CDCA7L: variants seen among roughly 807,000 people sequenced by gnomAD.
CDCA7L encodes cell division cycle-associated 7-like protein.
In CDCA7L, 44 loss-of-function variants were observed where a neutral mutation model predicts 57.4. The observed-to-expected ratio is 0.77, with a 90% confidence interval of 0.60 to 0.98. The LOEUF (loss-of-function observed/expected upper bound fraction) is 0.98. Among genes scored for constraint, CDCA7L ranks in the 50% least tolerant of loss-of-function variants. The pLI, the probability that CDCA7L is intolerant of heterozygous loss-of-function variation, is 0.00. For missense variants in CDCA7L, 644 were observed against 580.6 expected (o/e 1.11, Z -1.12); for synonymous variants, 236 against 202.8 (o/e 1.16, Z -1.39).
rs545996186 is a variant in CDCA7L at position 21,930,837 on chromosome 7, A to G, written c.25-13943T>C. On this transcript the variant is annotated intron_variant, in intron 1 of 9. Coordinates refer to ENST00000406877, the MANE Select transcript of CDCA7L (RefSeq NM_018719.5). Reference sequence around the variant, plus strand: ...CATGAAAAACCCTTCAAAAAAATCAATGAATCCAGGAGTTGGTTTTTTGAA... The same window carrying G: ...CATGAAAAACCCTTCAAAAAAATCAGTGAATCCAGGAGTTGGTTTTTTGAA... Among the ~76,000 whole-genome samples, 174 of 152,200 alleles carry G rather than the reference A, an allele frequency of 1.1e-3. 1 individual carries two copies. Among genetic ancestry groups the G allele is most frequent in the Middle Eastern group, 6.8e-3 (2 of 292 alleles).
At chr7:21,933,343 A>G (rs1308700863) in intron 1 of CDCA7L, among the ~76,000 whole-genome samples, 1 of 152,228 alleles carries the variant, frequency 6.6e-6, no homozygotes, top group Non-Finnish European at 1.5e-5. Context: ...ATAAAGACAC[A>G]TGCACATGTA....
At chr7:21,907,251 T>G (rs910753047) in intron 4 of CDCA7L, among the ~76,000 whole-genome samples, 1 of 152,234 alleles carries the variant, frequency 6.6e-6, no homozygotes. Context: ...TAGCTTATTT[T>G]AAAGATGCAG....
chr7:21,921,766 T>C (rs564295600), intron 1 of CDCA7L, among the ~76,000 whole-genome samples: 16 of 151,248 alleles, frequency 1.1e-4, no homozygotes, highest in Admixed American at 2.6e-4. Flanking sequence ...TACTATCTAG[T>C]GAACCAAAAA....
At chr7:21,903,341 T>C (rs1291841313) in intron 8 of CDCA7L, among the ~76,000 whole-genome samples, 3 of 152,004 alleles carry the variant, frequency 2.0e-5, no homozygotes, top group African/African-American at 4.8e-5. Flanking sequence ...TGCTTAAAAA[T>C]TATGGAGATT....
intron 1 of CDCA7L, among the ~76,000 whole-genome samples, chr7:21,938,204 A>C (rs117785808): frequency 0.014 from 2,068 of 152,298 alleles, 20 homozygotes; most frequent in Non-Finnish European, 0.024. Flanking sequence ...TCACTTAACA[A>C]CTACAAAAAC....
At chr7:21,916,099 G>C (rs1785473168) in intron 2 of CDCA7L, among the ~76,000 whole-genome samples, 1 of 152,122 alleles carries the variant, frequency 6.6e-6, no homozygotes, top group Non-Finnish European at 1.5e-5. Context: ...AAGCAAAGTG[G>C]GTTTAATTTG....
intron 2 of CDCA7L, among the ~76,000 whole-genome samples, chr7:21,915,514 C>A (rs1404245788): frequency 3.3e-5 from 5 of 151,850 alleles, no homozygotes; most frequent in African/African-American, 1.2e-4. Context: ...TAACAAAAAG[C>A]AGGCCAGGTA....
intron 1 of CDCA7L, among the ~76,000 whole-genome samples, chr7:21,942,720 G>A (rs945221435): frequency 3.3e-5 from 5 of 152,004 alleles, no homozygotes; most frequent in Non-Finnish European, 5.9e-5. Context: ...TGAGGTTTTC[G>A]CCTGATTTTT....
chr7:21,919,187 G>A (rs1218597992), intron 1 of CDCA7L, among the ~76,000 whole-genome samples: 1 of 152,014 alleles, frequency 6.6e-6, no homozygotes, highest in Non-Finnish European at 1.5e-5. Context: ...AAAGTAGCTG[G>A]CATTCTTGTA....
At chr7:21,930,338 C>T (rs969405861) in intron 1 of CDCA7L, among the ~76,000 whole-genome samples, 19 of 152,124 alleles carry the variant, frequency 1.2e-4, no homozygotes, top group African/African-American at 4.3e-4. Flanking sequence ...AAATTTATAG[C>T]ACTAAATGCC....
intron 8 of CDCA7L, 148 bp from the exon 9 acceptor site, chr7:21,903,262 C>CAAGGCAGG (rs1785002011): frequency 2.7e-5 from 19 of 698,166 alleles, no homozygotes; most frequent in Admixed American, 1.5e-4. Flanking sequence ...GGGCTCCTCA[C>CAAGGCAGG]AAGGCAGGAA....
Position 21,902,328 on chromosome 7 carries a change from G to C in CDCA7L, c.1359C>G (p.Asp453Glu). The C allele has an allele frequency of 3.1e-6, 5 of 1,613,896 alleles. No homozygotes were observed. The highest frequency in any genetic ancestry group is 4.2e-6 in the Non-Finnish European group (5 of 1,179,850). Residue 453 changes from aspartate (D) to glutamate (E), a missense_variant, in exon 10 of 10, where the codon GAC becomes GAG. Coordinates refer to ENST00000406877, the MANE Select transcript of CDCA7L (RefSeq NM_018719.5). ...GGTTCTGTTTGTTTTCCTCTTAATT[G>C]TCTTCTACCAGCTCCTTTTGTAAGC... ...LESLQKELVE[D>E]N
chr7:21,911,509 T>C (rs1785326046), intron 3 of CDCA7L, 108 bp downstream of exon 3: 1 of 1,347,106 alleles, frequency 7.4e-7, no homozygotes, highest in Admixed American at 2.6e-5. Context: ...AAGATAAATA[T>C]GTAAGAAAAA....
chr7:21,904,010 C>T (rs1437133643), intron 8 of CDCA7L, 100 bp downstream of exon 8: 4 of 1,152,820 alleles, frequency 3.5e-6, no homozygotes, highest in East Asian at 2.8e-5. Flanking sequence ...AACCAGAGTT[C>T]TGGAGCTCCC....
At chr7:21,913,518 G>A (rs549338816) in intron 2 of CDCA7L, among the ~76,000 whole-genome samples, 1 of 152,324 alleles carries the variant, frequency 6.6e-6, no homozygotes, top group East Asian at 1.9e-4. Context: ...TGATTATTAA[G>A]GAAGAATGGT....
chr7:21,901,125 G>A lies in CDCA7L; in HGVS notation c.*1197C>T. The A allele has an allele frequency of 6.2e-7, 1 of 1,613,306 alleles. No individual in the cohort carries two copies. Among genetic ancestry groups the A allele is most frequent in the South Asian group, 1.1e-5 (1 of 91,074 alleles). Reference sequence around the variant, plus strand: ...CCGTGGACAGACAAGAAACCAAACAGACCTACGAGTGCCCTGTGTATAGAA... The same window carrying A: ...CCGTGGACAGACAAGAAACCAAACAAACCTACGAGTGCCCTGTGTATAGAA... On this transcript the variant is annotated 3_prime_UTR_variant, in exon 10 of 10. Transcript: ENST00000406877.
At chr7:21,935,325 A>C (rs1475847008) in intron 1 of CDCA7L, among the ~76,000 whole-genome samples, 1 of 152,236 alleles carries the variant, frequency 6.6e-6, no homozygotes, top group African/African-American at 2.4e-5. Flanking sequence ...GAAATTAGAA[A>C]ATACTTTGAA....
chr7:21,926,899 T>C (rs1471975557), intron 1 of CDCA7L, among the ~76,000 whole-genome samples: 2 of 151,736 alleles, frequency 1.3e-5, no homozygotes, highest in Non-Finnish European at 2.9e-5. Context: ...ACAATAATAA[T>C]AAAGACATTG....
chr7:21,915,160 G>A (rs1785439935), intron 2 of CDCA7L, among the ~76,000 whole-genome samples: 1 of 152,142 alleles, frequency 6.6e-6, no homozygotes. Context: ...TGGACACCAG[G>A]AACACAGCAG....
Sources: allele counts gnomAD v4.1 joint callset (sites outside exome capture counted in the v4.1 genomes callset), GRCh38; gene constraint gnomAD v4.1.1; transcripts MANE v1.5; gene names NCBI Gene and HGNC (gene_info 2026-07-23, HGNC 2026-07-21).